The following ITPR2 variants were observed in gnomAD, a reference collection of about 807,000 sequenced individuals.
ITPR2 encodes the protein inositol 1,4,5-trisphosphate receptor type 2.
Under a neutral mutation model 317.1 loss-of-function variants are expected in ITPR2, and 207 were observed. The observed-to-expected ratio is 0.65, with a 90% confidence interval of 0.58 to 0.73. The LOEUF is 0.73. Among genes scored for constraint, ITPR2 ranks in the 30% least tolerant of loss-of-function variants. The probability of loss-of-function intolerance (pLI) is 0.00; values close to 1 mark genes in which losing one functional copy is unlikely to be tolerated. For missense variants in ITPR2, 2,613 were observed against 3,284.0 expected (o/e 0.80, Z 4.99); for synonymous variants, 1,156 against 1,149.1 (o/e 1.01, Z -0.12).
intron 26 of ITPR2, among the ~76,000 whole-genome samples, chr12:26,610,802 T>C (rs1010256510): frequency 5.3e-5 from 8 of 152,218 alleles, no homozygotes; most frequent in African/African-American, 1.9e-4. Flanking sequence ...GTGGTTGCCA[T>C]GTGCCATGCA....
Position 26,666,024 on chromosome 12 carries a change from G to A in ITPR2, c.1437C>T (p.Leu479=), listed in dbSNP as rs1451335856. ...TAGGCACATCAGCAACAAAGAATAT[G>A]AGATCTTCCAATAATTTGGTTACAA... ...RRFVTKLLED[L]IFFVADVPNN... The change falls in exon 14 of 57, where the codon CTC becomes CTT. Residue 479 remains leucine, a synonymous_variant. Coordinates refer to ENST00000381340, the MANE Select transcript of ITPR2 (RefSeq NM_002223.4). 3.1e-6 allele frequency: 5 copies of A among 1,612,332 alleles called. No homozygotes were observed. Among genetic ancestry groups the A allele is most frequent in the Non-Finnish European group, 1.7e-6 (2 of 1,179,188 alleles).
intron 21 of ITPR2, among the ~76,000 whole-genome samples, chr12:26,634,848 G>A (rs147832756): frequency 1.2e-3 from 142 of 118,004 alleles, no homozygotes; most frequent in African/African-American, 4.3e-3. Context: ...CTGCACCACC[G>A]CACTCCAGCC....
chr12:26,753,793 T>C (rs1949472598), intron 2 of ITPR2, among the ~76,000 whole-genome samples: 2 of 152,222 alleles, frequency 1.3e-5, no homozygotes, highest in Non-Finnish European at 1.5e-5. Context: ...ATAAGCCTGC[T>C]GTTCAAGACG....
rs77133010 is a variant in ITPR2, at chr12:26,418,396, T to C, written c.7110+653A>G. ...TTCAAAACATTATCACATATTTATA[T>C]TGACTCCTCTCCTGGTTTATGGCTA... On this transcript the variant is annotated intron_variant, in intron 50 of 56. Coordinates refer to ENST00000381340, the MANE Select transcript of ITPR2 (RefSeq NM_002223.4). Among the ~76,000 whole-genome samples the C allele has an allele frequency of 5.3e-5, 8 of 152,304 alleles. No homozygotes were observed. In the East Asian group the frequency reaches 1.3e-3, roughly 26 times the overall value.
intron 37 of ITPR2, among the ~76,000 whole-genome samples, chr12:26,533,968 G>A (rs1038902468): frequency 6.6e-6 from 1 of 152,152 alleles, no homozygotes; most frequent in Non-Finnish European, 1.5e-5. Context: ...ATTCCCCCTA[G>A]GTGTCAGTTA....
At chr12:26,569,882 C>T (rs1945113372) in intron 34 of ITPR2, among the ~76,000 whole-genome samples, 2 of 152,172 alleles carry the variant, frequency 1.3e-5, no homozygotes, top group African/African-American at 4.8e-5. Flanking sequence ...CAGAGGGCAG[C>T]ATCCGTCAGA....
chr12:26,507,569 G>A (rs971633957), intron 37 of ITPR2, among the ~76,000 whole-genome samples: 10 of 152,174 alleles, frequency 6.6e-5, no homozygotes, highest in African/African-American at 2.2e-4. Context: ...AAGCATAGCC[G>A]CTTGGTAGTA....
intron 8 of ITPR2, among the ~76,000 whole-genome samples, chr12:26,712,052 C>T (rs1412813672): frequency 1.3e-5 from 2 of 152,108 alleles, no homozygotes; most frequent in Non-Finnish European, 2.9e-5. Context: ...TTATGACAGG[C>T]GGGATGGGCA....
At chr12:26,569,972 C>T (rs28702798) in intron 34 of ITPR2, among the ~76,000 whole-genome samples, 4,953 of 152,178 alleles carry the variant, frequency 0.033, 198 homozygotes, top group African/African-American at 0.091. Context: ...ACATAAATAT[C>T]CAATAGTGAG....
rs577509574 is a variant in ITPR2, at chr12:26,483,219, C to T, written c.6012+479G>A. 1.3e-3 allele frequency among the ~76,000 whole-genome samples: 193 copies of T among 152,350 alleles called. 1 individual carries two copies. The highest frequency in any genetic ancestry group is 2.3e-3 in the Admixed American group (35 of 15,306). On this transcript the variant is annotated intron_variant, in intron 42 of 56. Transcript: ENST00000381340. ...AAAGTCCTTAGTTGTAAGAATGGCT[C>T]TACAACTTATTGATTCTGTCACTCT...
At chr12:26,726,309 C>T (rs1436128103) in intron 2 of ITPR2, among the ~76,000 whole-genome samples, 1 of 152,022 alleles carries the variant, frequency 6.6e-6, no homozygotes, top group African/African-American at 2.4e-5. Flanking sequence ...AAACAAAACA[C>T]CTAAACCAAG....
At chr12:26,511,466 G>A (rs1943344486) in intron 37 of ITPR2, among the ~76,000 whole-genome samples, 1 of 152,226 alleles carries the variant, frequency 6.6e-6, no homozygotes, top group Non-Finnish European at 1.5e-5. Flanking sequence ...TAAACGCCAA[G>A]AAGGTAGAGT....
At chr12:26,613,781 T>C (rs990622107) in intron 26 of ITPR2, among the ~76,000 whole-genome samples, 6 of 152,142 alleles carry the variant, frequency 3.9e-5, no homozygotes, top group African/African-American at 1.2e-4. Context: ...GAAAAAATTC[T>C]CTTGAGGCTC....
chr12:26,827,836 C>A (rs754506921), intron 1 of ITPR2, among the ~76,000 whole-genome samples: 2 of 152,098 alleles, frequency 1.3e-5, no homozygotes, highest in African/African-American at 4.8e-5. Flanking sequence ...TCCCCCGTTG[C>A]GTTTTTAATA....
intron 2 of ITPR2, among the ~76,000 whole-genome samples, chr12:26,768,429 AAAAAAT>A (rs1220650129): frequency 3.8e-4 from 22 of 57,352 alleles, no homozygotes; most frequent in East Asian, 1.2e-3. Flanking sequence ...AAAAATTAAA[AAAAAAT>A]AAAAAATAAA....
chr12:26,505,941 A>C (rs1943172905), intron 37 of ITPR2, among the ~76,000 whole-genome samples: 1 of 151,940 alleles, frequency 6.6e-6, no homozygotes, highest in Non-Finnish European at 1.5e-5. Flanking sequence ...CATATTACAT[A>C]TTTTTAGTAC....
At chr12:26,467,929 T>A (rs1411089172) in intron 45 of ITPR2, among the ~76,000 whole-genome samples, 1 of 152,172 alleles carries the variant, frequency 6.6e-6, no homozygotes, top group South Asian at 2.1e-4. Context: ...CATTATACTT[T>A]TTCTTTGTGG....
At chr12:26,590,419 G>GACCCCT (rs1945669435) in intron 32 of ITPR2, among the ~76,000 whole-genome samples, 1 of 152,054 alleles carries the variant, frequency 6.6e-6, no homozygotes, top group Admixed American at 6.6e-5. Context: ...GGCATAAAAA[G>GACCCCT]ACACATAGAC....
chr12:26,575,370 G>C (rs1945251933), intron 34 of ITPR2, among the ~76,000 whole-genome samples: 1 of 151,806 alleles, frequency 6.6e-6, no homozygotes, highest in South Asian at 2.1e-4. Flanking sequence ...TCCTGCAGTG[G>C]TCCAAGAAGA....
Sources: allele counts gnomAD v4.1 joint callset (sites outside exome capture counted in the v4.1 genomes callset), GRCh38; gene constraint gnomAD v4.1.1; transcripts MANE v1.5; gene names NCBI Gene and HGNC (gene_info 2026-07-23, HGNC 2026-07-21).